LIN52: variants seen among roughly 807,000 people sequenced by gnomAD.
The protein encoded by LIN52 is protein lin-52 homolog.
A neutral mutation model predicts 18.5 loss-of-function variants in LIN52; 4 were observed. That is an observed-to-expected ratio of 0.22 (90% CI 0.11 to 0.49). The LOEUF is 0.49. Among genes scored for constraint, LIN52 ranks in the 20% least tolerant of loss-of-function variants. LIN52 has a pLI of 0.97. For missense variants in LIN52, 102 were observed against 139.5 expected, an observed-to-expected ratio of 0.73 and a Z score of 1.35; for synonymous variants, 34 against 45.5, an observed-to-expected ratio of 0.75 and a Z score of 1.02.
intron 5 of LIN52, among the ~76,000 whole-genome samples, chr14:74,103,733 GTTTTTTTTTTTTTTTTTTTTT>G (rs573188668): frequency 1.3e-4 from 6 of 46,024 alleles, no homozygotes; most frequent in Non-Finnish European, 2.4e-4. Flanking sequence ...GGCCTGGCCA[GTTTTTTTTTTTTTTTTTTTTT>G]TTTTTTTTTT....
intron 5 of LIN52, among the ~76,000 whole-genome samples, chr14:74,188,571 C>T (rs8003543): frequency 0.47 from 71,876 of 151,460 alleles, 17,852 homozygotes; most frequent in Non-Finnish European, 0.53. Flanking sequence ...TCCCCCCACA[C>T]TCATTTTGTA....
chr14:74,182,808 G>A (rs1055044738), intron 5 of LIN52, among the ~76,000 whole-genome samples: 11 of 152,114 alleles, frequency 7.2e-5, no homozygotes, highest in South Asian at 2.1e-4. Flanking sequence ...AGCAAATTTT[G>A]TAGAAGCAAC....
chr14:74,186,560 A>T (rs774370866), intron 5 of LIN52, among the ~76,000 whole-genome samples: 31 of 151,996 alleles, frequency 2.0e-4, no homozygotes, highest in Non-Finnish European at 3.8e-4. Context: ...ACTTGAGCCC[A>T]GGAGTTCAAG....
rs10145400 is a variant in LIN52 at position 74,094,985 on chromosome 14, T to C, written c.95-963T>C. Among the ~76,000 whole-genome samples, 1,410 of 150,280 alleles carry C rather than the reference T, an allele frequency of 9.4e-3. 24 individuals carry two copies. The highest frequency in any genetic ancestry group is 0.033 in the African/African-American group (1,349 of 40,960). On this transcript the variant is annotated intron_variant, in intron 2 of 5. Transcript: ENST00000555028. ...TCAGGCAAAGATGTTATTTTAATTA[T>C]ATATTTTTTTTAGAGACAGAGGCTC...
chr14:74,163,269 G>A (rs994230949), intron 5 of LIN52, among the ~76,000 whole-genome samples: 10 of 151,932 alleles, frequency 6.6e-5, no homozygotes, highest in African/African-American at 2.4e-4. Context: ...TTGTAGAGAC[G>A]GGGTTTCACC....
intron 1 of LIN52, among the ~76,000 whole-genome samples, chr14:74,087,396 A>G (rs1244734999): frequency 9.5e-5 from 14 of 147,216 alleles, no homozygotes; most frequent in African/African-American, 3.0e-4. Context: ...AGCCTGGGAC[A>G]GAGCGAGACT....
intron 5 of LIN52, among the ~76,000 whole-genome samples, chr14:74,190,326 T>C (rs964209608): frequency 6.6e-6 from 1 of 152,018 alleles, no homozygotes; most frequent in African/African-American, 2.4e-5. Flanking sequence ...ATCCAGACTG[T>C]TCTTTTCTCA....
intron 5 of LIN52, among the ~76,000 whole-genome samples, chr14:74,129,991 G>A (rs2061051406): frequency 6.6e-6 from 1 of 152,132 alleles, no homozygotes; most frequent in African/African-American, 2.4e-5. Flanking sequence ...TTACATGGAT[G>A]GCGGCAGGCA....
intron 5 of LIN52, among the ~76,000 whole-genome samples, chr14:74,169,879 T>C (rs17097785): frequency 6.6e-6 from 1 of 152,182 alleles, no homozygotes; most frequent in Non-Finnish European, 1.5e-5. Flanking sequence ...AAAAGAAGTT[T>C]GTGTGAAGTT....
chr14:74,162,195 G>A (rs922720894), intron 5 of LIN52, among the ~76,000 whole-genome samples: 3 of 152,098 alleles, frequency 2.0e-5, no homozygotes, highest in African/African-American at 7.2e-5. Flanking sequence ...CAAAGCATAA[G>A]TGTGAATAAA....
chr14:74,173,052 G>C lies in LIN52; in HGVS notation c.284-25870G>C, dbSNP rs10135464. Among the ~76,000 whole-genome samples the C allele has an allele frequency of 8.3e-3, 1,257 of 152,220 alleles. 17 individuals are homozygous for C. Among genetic ancestry groups the C allele is most frequent in the African/African-American group, 0.029 (1,193 of 41,522 alleles). The stretch of plus-strand genomic sequence containing the variant: ...TATCTTTCAAGTGTAGCACAATACT[G>C]ACATAGAACCTATAATTAAATGCTT... On this transcript the variant is annotated intron_variant, in intron 5 of 5. Coordinates refer to ENST00000555028, the MANE Select transcript of LIN52 (RefSeq NM_001024674.3).
chr14:74,103,773 A>G, intron 5 of LIN52, among the ~76,000 whole-genome samples: 11 of 69,680 alleles, frequency 1.6e-4, no homozygotes, highest in South Asian at 5.3e-4. Flanking sequence ...TTTTTTTAAG[A>G]GACTGGGTTT....
chr14:74,127,213 A>G (rs1362315271), intron 5 of LIN52, among the ~76,000 whole-genome samples: 2 of 152,230 alleles, frequency 1.3e-5, no homozygotes, highest in African/African-American at 4.8e-5. Context: ...TCTAGTAGAT[A>G]AGGCCTTACA....
intron 3 of LIN52, among the ~76,000 whole-genome samples, 158 bp from the exon 4 acceptor site, chr14:74,097,636 A>G (rs976211267): frequency 3.9e-5 from 6 of 151,960 alleles, no homozygotes; most frequent in Admixed American, 6.6e-5. Flanking sequence ...GGGTTTCCCC[A>G]TGTTGGCCAG....
Position 74,156,751 on chromosome 14 carries a change from A to G in LIN52, c.284-42171A>G, listed in dbSNP as rs1445876695. ...GAGAACACTAGACCTTAGTTCCCCT[A>G]CCTAGCTGTAATTTTGTATCCATTG... is the stretch of plus-strand genomic sequence containing the variant. On this transcript the variant is annotated intron_variant, in intron 5 of 5. Coordinates refer to ENST00000555028, the MANE Select transcript of LIN52 (RefSeq NM_001024674.3). Among the ~76,000 whole-genome samples the G allele has an allele frequency of 3.3e-5, 5 of 152,224 alleles. No individual in the cohort carries two copies. The East Asian group carries it at 9.7e-4, about 29-fold the overall frequency.
At chr14:74,116,317 A>T (rs1369414488) in intron 5 of LIN52, among the ~76,000 whole-genome samples, 2 of 151,548 alleles carry the variant, frequency 1.3e-5, no homozygotes, top group Non-Finnish European at 1.5e-5. Context: ...AATAAAAAAT[A>T]AAAAAAATAC....
chr14:74,180,717 A>C (rs1339911110), intron 5 of LIN52, among the ~76,000 whole-genome samples: 4 of 152,260 alleles, frequency 2.6e-5, no homozygotes, highest in African/African-American at 9.6e-5. Context: ...GTGGTCTAAC[A>C]TATAAAAATG....
chr14:74,118,055 C>G (rs4903187), intron 5 of LIN52, among the ~76,000 whole-genome samples: 77,424 of 151,990 alleles, frequency 0.51, 20,348 homozygotes, highest in East Asian at 0.89. Flanking sequence ...GACGTCCTTT[C>G]AATGGAGAGT....
intron 5 of LIN52, among the ~76,000 whole-genome samples, chr14:74,151,271 A>G (rs565059145): frequency 1.3e-5 from 2 of 152,202 alleles, no homozygotes; most frequent in Admixed American, 1.3e-4. Flanking sequence ...CATATGTGGT[A>G]TTACTATTGT....
Sources: gnomAD v4.1 joint callset for allele counts (sites outside exome capture counted in the v4.1 genomes callset) on GRCh38, gnomAD v4.1.1 for gene constraint, MANE v1.5 for transcripts, NCBI Gene and HGNC (gene_info 2026-07-23, HGNC 2026-07-21) for gene names.